The following PLPPR1 variants were observed in gnomAD, a reference collection of about 807,000 sequenced individuals.
The protein encoded by PLPPR1 is phospholipid phosphatase related 1.
A neutral mutation model predicts 33.1 loss-of-function variants in PLPPR1; 10 were observed. The observed-to-expected ratio is 0.30, with a 90% CI of 0.19 to 0.51. PLPPR1 has a LOEUF of 0.51. Ranked by LOEUF, PLPPR1 falls within the 20% of genes least tolerant of loss-of-function variation. PLPPR1 has a pLI of 0.97. For missense variants in PLPPR1, 304 were observed against 408.1 expected (o/e 0.74, Z 2.20); for synonymous variants, 151 against 151.0 (o/e 1.00, Z 0.00).
intron 1 of PLPPR1, among the ~76,000 whole-genome samples, chr9:101,087,024 C>A (rs977172331): frequency 1.3e-5 from 2 of 151,884 alleles, no homozygotes; most frequent in Non-Finnish European, 2.9e-5. Context: ...ACTAAAAATA[C>A]AAGATTTAGC....
intron 1 of PLPPR1, among the ~76,000 whole-genome samples, chr9:101,140,332 G>A (rs932894550): frequency 2.0e-5 from 3 of 152,154 alleles, no homozygotes; most frequent in African/African-American, 7.2e-5. Context: ...TGTTTGTAGA[G>A]GTCTACTGTG....
chr9:101,108,755 T>C (rs574146585), intron 1 of PLPPR1, among the ~76,000 whole-genome samples: 2 of 152,340 alleles, frequency 1.3e-5, no homozygotes, highest in East Asian at 3.9e-4. Flanking sequence ...TTAAGCTACA[T>C]CTTTTGTCTG....
chr9:101,033,402 A>G (rs527750292), intron 1 of PLPPR1, among the ~76,000 whole-genome samples: 7 of 152,350 alleles, frequency 4.6e-5, no homozygotes, highest in African/African-American at 1.7e-4. Flanking sequence ...ACACCAGAAC[A>G]TCTTGGAAAG....
At chr9:101,150,956 C>A (rs1303443575) in intron 1 of PLPPR1, among the ~76,000 whole-genome samples, 1 of 152,134 alleles carries the variant, frequency 6.6e-6, no homozygotes. Context: ...CTTACATATA[C>A]ACATTTTACA....
intron 2 of PLPPR1, among the ~76,000 whole-genome samples, chr9:101,257,295 A>C (rs1827819291): frequency 6.6e-6 from 1 of 152,156 alleles, no homozygotes; most frequent in African/African-American, 2.4e-5. Context: ...ACCACTCAGA[A>C]CACATTTATA....
chr9:101,103,237 A>G (rs1356487992), intron 1 of PLPPR1, among the ~76,000 whole-genome samples: 6 of 124,870 alleles, frequency 4.8e-5, no homozygotes, highest in Non-Finnish European at 1.0e-4. Context: ...TATGTCCTGA[A>G]TGGTAATGCC....
intron 1 of PLPPR1, among the ~76,000 whole-genome samples, chr9:101,178,765 T>C (rs2118703326): frequency 6.6e-6 from 1 of 152,246 alleles, no homozygotes; most frequent in East Asian, 1.9e-4. Context: ...TCCGAATCAG[T>C]GTCCAATATA....
intron 2 of PLPPR1, among the ~76,000 whole-genome samples, chr9:101,189,917 T>C (rs991966969): frequency 1.7e-4 from 26 of 152,180 alleles, no homozygotes; most frequent in African/African-American, 6.3e-4. Context: ...CTGTTGGTTG[T>C]GTCTGCTTTC....
At chr9:101,294,387 G>C (rs1828580133) in intron 4 of PLPPR1, among the ~76,000 whole-genome samples, 1 of 151,828 alleles carries the variant, frequency 6.6e-6, no homozygotes. Flanking sequence ...GGAGGAACTG[G>C]TATCATTCCT....
rs150850967 is a variant in PLPPR1, at chr9:101,144,008, T to C, written c.-45-41442T>C. ...ATGTTTATTGTGGCACTATTCACAA[T>C]AGCAAAGACTTGGTCTATCAATGAT... On this transcript the variant is annotated intron_variant, in intron 1 of 7. Transcript: ENST00000374874. Among the ~76,000 whole-genome samples the C allele has an allele frequency of 3.6e-3, 554 of 152,214 alleles. 2 individuals carry two copies. The highest frequency in any genetic ancestry group is 6.8e-3 in the Middle Eastern group (2 of 294).
intron 4 of PLPPR1, among the ~76,000 whole-genome samples, chr9:101,296,371 C>T (rs984786713): frequency 1.4e-4 from 21 of 151,520 alleles, no homozygotes; most frequent in African/African-American, 4.7e-4. Context: ...CTAGTTCAAC[C>T]ATTGTGGAAG....
chr9:101,130,756 G>A (rs1475865153), intron 1 of PLPPR1, among the ~76,000 whole-genome samples: 1 of 152,202 alleles, frequency 6.6e-6, no homozygotes, highest in African/African-American at 2.4e-5. Context: ...GGCAACATAT[G>A]TTCAAGTGTG....
At chr9:101,277,551 T>G (rs1828219501) in intron 3 of PLPPR1, among the ~76,000 whole-genome samples, 1 of 152,226 alleles carries the variant, frequency 6.6e-6, no homozygotes, top group South Asian at 2.1e-4. Flanking sequence ...CCCAGTTACA[T>G]GATTTCAGTT....
At chr9:101,301,408 G>A (rs990107752) in intron 4 of PLPPR1, among the ~76,000 whole-genome samples, 10 of 152,136 alleles carry the variant, frequency 6.6e-5, no homozygotes, top group African/African-American at 2.4e-4. Context: ...AATTGACAAA[G>A]TGTTTTTACA....
intron 1 of PLPPR1, among the ~76,000 whole-genome samples, chr9:101,029,941 G>C (rs1463853335): frequency 6.6e-6 from 1 of 152,174 alleles, no homozygotes; most frequent in Non-Finnish European, 1.5e-5. Context: ...TGACACGCAC[G>C]TGTGGAATAT....
intron 5 of PLPPR1, among the ~76,000 whole-genome samples, chr9:101,311,729 T>G (rs1828959737): frequency 6.6e-6 from 1 of 152,232 alleles, no homozygotes; most frequent in Admixed American, 6.5e-5. Context: ...AGAATTTCTA[T>G]TGTAATACTG....
chr9:101,138,352 G>C (rs1234680387), intron 1 of PLPPR1, among the ~76,000 whole-genome samples: 1 of 152,120 alleles, frequency 6.6e-6, no homozygotes, highest in East Asian at 1.9e-4. Flanking sequence ...ACTTACTGCT[G>C]TATCCCAAAG....
chr9:101,271,213 C>T (rs977700673), intron 3 of PLPPR1, among the ~76,000 whole-genome samples: 1 of 152,156 alleles, frequency 6.6e-6, no homozygotes, highest in South Asian at 2.1e-4. Flanking sequence ...TGCTGCCTAA[C>T]ACACCTGGAT....
At chr9:101,170,226 A>G (rs1825919958) in intron 1 of PLPPR1, among the ~76,000 whole-genome samples, 1 of 152,170 alleles carries the variant, frequency 6.6e-6, no homozygotes, top group Admixed American at 6.6e-5. Context: ...CAATTACACA[A>G]TACATACTAT....
Sources: gnomAD v4.1 joint callset for allele counts (sites outside exome capture counted in the v4.1 genomes callset) on GRCh38, gnomAD v4.1.1 for gene constraint, MANE v1.5 for transcripts, NCBI Gene and HGNC (gene_info 2026-07-23, HGNC 2026-07-21) for gene names.